The following TMPRSS6 variants were observed in gnomAD, a reference collection of about 807,000 sequenced individuals.
TMPRSS6 encodes the protein transmembrane protease serine 6.
A neutral mutation model predicts 101.5 loss-of-function variants in TMPRSS6; 67 were observed. The observed-to-expected ratio is 0.66, with a 90% CI of 0.54 to 0.81. The LOEUF (loss-of-function observed/expected upper bound fraction) is 0.81. Among genes scored for constraint, TMPRSS6 ranks in the 30% least tolerant of loss-of-function variants. TMPRSS6 has a pLI of 0.00. For synonymous variants in TMPRSS6, 453 were observed against 464.9 expected, an observed-to-expected ratio of 0.97 and a Z score of 0.33; for missense variants, 1,034 against 1,088.7, an observed-to-expected ratio of 0.95 and a Z score of 0.71.
intron 10 of TMPRSS6, among the ~76,000 whole-genome samples, chr22:37,076,705 C>T (rs1463184063): frequency 6.6e-6 from 1 of 152,210 alleles, no homozygotes; most frequent in Non-Finnish European, 1.5e-5. Flanking sequence ...CCTTTTCATC[C>T]CAGGTGGGAC....
chr22:37,101,237 G>A lies in TMPRSS6; in HGVS notation c.202+1979C>T, dbSNP rs1441794377. On this transcript the variant is annotated intron_variant, in intron 2 of 17. Coordinates refer to ENST00000676104, the MANE Select transcript of TMPRSS6 (RefSeq NM_001374504.1). This position sits in a 1 kb window ranked among gnomAD's most constrained non-coding sequence, Gnocchi z 4.1. The stretch of plus-strand genomic sequence containing the variant: ...GTGATGCAGCTGGGAGGGCAGGTGG[G>A]CCAACATATATGGGGCTTCTCTTCT... 6.6e-6 allele frequency among the ~76,000 whole-genome samples: 1 copy of A among 152,140 alleles called. No individual in the cohort carries two copies. The highest frequency in any genetic ancestry group is 2.4e-5 in the African/African-American group (1 of 41,410).
intron 12 of TMPRSS6, among the ~76,000 whole-genome samples, chr22:37,074,044 C>T (rs1601526680): frequency 1.3e-5 from 2 of 152,190 alleles, no homozygotes; most frequent in Admixed American, 6.5e-5. Flanking sequence ...CCACTGCGCC[C>T]GGCCTCTTTC....
chr22:37,089,952 C>A (rs1348239240), intron 6 of TMPRSS6, among the ~76,000 whole-genome samples, 170 bp from the exon 7 acceptor site: 1 of 152,242 alleles, frequency 6.6e-6, no homozygotes, highest in African/African-American at 2.4e-5. Context: ...CTGTCAGTAT[C>A]CTCATTCATG....
intron 6 of TMPRSS6, among the ~76,000 whole-genome samples, chr22:37,094,804 C>T (rs1247020909): frequency 6.6e-6 from 1 of 152,194 alleles, no homozygotes; most frequent in Admixed American, 6.5e-5. Flanking sequence ...ACTCTGCCTC[C>T]CTCCCTGAGA....
Position 37,086,316 on chromosome 22 carries a change from A to C in TMPRSS6, c.940T>G (p.Phe314Val). The change falls in exon 8 of 18, where the codon TTC (phenylalanine) becomes GTC (valine). Residue 314 changes from phenylalanine (F) to valine (V), a missense_variant. Coordinates refer to ENST00000676104, the MANE Select transcript of TMPRSS6 (RefSeq NM_001374504.1). The part of the protein sequence containing the change: ...KKGLHSYYDP[F>V]VLSVQPVVFQ... Reference sequence around the variant, plus strand: ...ACCACCGGCTGCACGGAGAGCACGAAGGGGTCGTAGTAGCTGTGCAGGCCC... The same window carrying C: ...ACCACCGGCTGCACGGAGAGCACGACGGGGTCGTAGTAGCTGTGCAGGCCC... The C allele has an allele frequency of 6.2e-7, 1 of 1,614,060 alleles. No homozygotes were observed. Among genetic ancestry groups the C allele is most frequent in the Non-Finnish European group, 8.5e-7 (1 of 1,180,002 alleles).
At chr22:37,072,919 T>C (rs1187177731) in intron 13 of TMPRSS6, among the ~76,000 whole-genome samples, 1 of 110,240 alleles carries the variant, frequency 9.1e-6, no homozygotes, top group Non-Finnish European at 1.9e-5. Context: ...ATGGATGATG[T>C]ATGGATGGAT....
Position 37,103,594 on chromosome 22 carries a change from C to T in TMPRSS6, c.-1-176G>A. On this transcript the variant is annotated intron_variant, in intron 1 of 17. Transcript: ENST00000676104. The surrounding 1 kb of genome is among the most constrained non-coding windows in gnomAD (Gnocchi z 4.4). ...AGACAGCTCACAGAGGAGGGAAGTG[C>T]ATCTCAGGTCAGCTCGCACCAGAGG... 5 of 1,611,852 alleles carry T rather than the reference C, an allele frequency of 3.1e-6. No individual in the cohort carries two copies. The highest frequency in any genetic ancestry group is 3.3e-4 in the Middle Eastern group (2 of 6,062).
intron 6 of TMPRSS6, among the ~76,000 whole-genome samples, chr22:37,091,737 T>C (rs532639759): frequency 1.6e-4 from 24 of 152,198 alleles, no homozygotes; most frequent in Non-Finnish European, 3.1e-4. Flanking sequence ...TCTGGGTAGT[T>C]AACTGAGTCT....
At chr22:37,086,553 AGACCACT>A in intron 7 of TMPRSS6, 134 bp from the exon 8 acceptor site, 1 of 917,782 alleles carries the variant, frequency 1.1e-6, no homozygotes, top group Non-Finnish European at 1.7e-6. Flanking sequence ...CTCCTACCAG[AGACCACT>A]GTGTGTCTGT....
chr22:37,084,633 G>T (rs1928547527), intron 9 of TMPRSS6, 94 bp downstream of exon 9: 2 of 1,143,874 alleles, frequency 1.7e-6, no homozygotes, highest in African/African-American at 3.1e-5. Flanking sequence ...CGCTTCAGCA[G>T]AGGCGGGACA....
chr22:37,083,552 C>A (rs1442939219), intron 10 of TMPRSS6, among the ~76,000 whole-genome samples: 1 of 152,264 alleles, frequency 6.6e-6, no homozygotes, highest in Non-Finnish European at 1.5e-5. Flanking sequence ...CTCTGTTTCC[C>A]TGCCTCCTTG....
chr22:37,076,007 GAA>G (rs1927626830), intron 10 of TMPRSS6, among the ~76,000 whole-genome samples: 1 of 147,414 alleles, frequency 6.8e-6, no homozygotes, highest in African/African-American at 2.6e-5. Context: ...AAGGAAGAAA[GAA>G]AGAAAGAAGA....
intron 10 of TMPRSS6, 104 bp from the exon 11 acceptor site, chr22:37,075,384 C>T (rs527509447): frequency 1.3e-5 from 19 of 1,486,968 alleles, no homozygotes; most frequent in East Asian, 4.7e-5. Context: ...GGGAGCTGCA[C>T]GCCCGCTGTG....
At chr22:37,081,066 C>G (rs1569008073) in intron 10 of TMPRSS6, among the ~76,000 whole-genome samples, 3 of 152,274 alleles carry the variant, frequency 2.0e-5, no homozygotes. Flanking sequence ...TACTTCATCT[C>G]TCTGTGTCTT....
At chr22:37,084,602 AC>A (rs1928545034) in intron 9 of TMPRSS6, 124 bp downstream of exon 9, 1 of 904,480 alleles carries the variant, frequency 1.1e-6, no homozygotes, top group South Asian at 1.5e-5. Context: ...CAGGATGTGT[AC>A]CCAGGGCTCA....
intron 1 of TMPRSS6, among the ~76,000 whole-genome samples, chr22:37,104,453 A>C (rs578255027): frequency 2.0e-5 from 3 of 152,270 alleles, no homozygotes; most frequent in African/African-American, 7.2e-5. Flanking sequence ...ATCATGATTA[A>C]ATAGCAACTG....
chr22:37,073,061 TGATGGATGGATG>T (rs569666222), intron 13 of TMPRSS6, among the ~76,000 whole-genome samples: 1 of 133,668 alleles, frequency 7.5e-6, no homozygotes, highest in African/African-American at 2.9e-5. Context: ...GATGGATGGA[TGATGGATGGATG>T]GATGGATGGA....
Position 37,070,896 on chromosome 22 carries a change from G to T in TMPRSS6, c.1672+20C>A, listed in dbSNP as rs76686578. On this transcript the variant is annotated intron_variant, in intron 14 of 17. Coordinates refer to ENST00000676104, the MANE Select transcript of TMPRSS6 (RefSeq NM_001374504.1). Reference sequence around the variant, plus strand: ...CCTCCCTCCCAAGCTCCAGGGCCCCGGCAGCCAGGCAGGGCTCACCACAGT... The same window carrying T: ...CCTCCCTCCCAAGCTCCAGGGCCCCTGCAGCCAGGCAGGGCTCACCACAGT... 1.2e-6 allele frequency: 2 copies of T among 1,609,618 alleles called. No individual in the cohort carries two copies. The highest frequency in any genetic ancestry group is 1.3e-5 in the African/African-American group (1 of 74,834).
chr22:37,079,045 G>A lies in TMPRSS6; in HGVS notation c.1197-3765C>T, dbSNP rs554951922. Among the ~76,000 whole-genome samples the A allele has an allele frequency of 4.6e-5, 7 of 150,708 alleles. No individual in the cohort carries two copies. In the East Asian group the frequency reaches 8.0e-4, roughly 17 times the overall value. On this transcript the variant is annotated intron_variant, in intron 10 of 17. Coordinates refer to ENST00000676104, the MANE Select transcript of TMPRSS6 (RefSeq NM_001374504.1). ...AAAGAGAGAAAGAAAGAAAAGCCCC[G>A]AAAACACCACTGGACTACCCTACCC...
Sources: allele counts gnomAD v4.1 joint callset (sites outside exome capture counted in the v4.1 genomes callset), GRCh38; gene constraint gnomAD v4.1.1; non-coding constraint Gnocchi (gnomAD v3.1); transcripts MANE v1.5; gene names NCBI Gene and HGNC (gene_info 2026-07-23, HGNC 2026-07-21).